Variants in ALS2CL observed in about 807,000 individuals in gnomAD.
ALS2CL encodes the protein ALS2 C-terminal-like protein.
In ALS2CL, 112 loss-of-function variants were observed where a neutral mutation model predicts 127.9. The observed-to-expected ratio is 0.88, with a 90% CI of 0.75 to 1.02. ALS2CL has a LOEUF of 1.02. ALS2CL is among the 50% of genes least tolerant of loss of function. The pLI is 0.00. For missense variants in ALS2CL, 1,174 were observed against 1,236.7 expected (o/e 0.95, Z 0.76); for synonymous variants, 519 against 527.6 (o/e 0.98, Z 0.22).
chr3:46,686,649 C>T lies in ALS2CL; in HGVS notation c.535-210G>A, dbSNP rs375676287. Among the ~76,000 whole-genome samples the T allele has an allele frequency of 7.2e-5, 11 of 152,226 alleles. No homozygotes were observed. In the East Asian group the frequency reaches 1.7e-3, roughly 24 times the overall value. Reference sequence around the variant, plus strand: ...GGCCCACGTGTCCTCATTCCCAGGACGTGATTCTACCCCTGCTCTCTGGGT... The same window carrying T: ...GGCCCACGTGTCCTCATTCCCAGGATGTGATTCTACCCCTGCTCTCTGGGT... On this transcript the variant is annotated intron_variant, in intron 5 of 25. Transcript: ENST00000318962. This position sits in a 1 kb window ranked among gnomAD's most constrained non-coding sequence, Gnocchi z 4.3.
At position 46,681,859 on chromosome 3, in the gene ALS2CL, G is replaced by A. The variant is rs919034972; in HGVS notation, c.1175+170C>T. Among the ~76,000 whole-genome samples, 1 of 152,064 alleles carries A rather than the reference G, an allele frequency of 6.6e-6. No homozygotes were observed. The highest frequency in any genetic ancestry group is 1.5e-5 in the Non-Finnish European group (1 of 68,006). ...GAGCTGAGACGGGCCCCCTATTCAG[G>A]CCCCCGGTTCCCCTTTGGTACAGTG... On this transcript the variant is annotated intron_variant, in intron 11 of 25. Transcript: ENST00000318962. The surrounding 1 kb of genome is among the most constrained non-coding windows in gnomAD (Gnocchi z 4.9).
rs1355745341 is a variant in ALS2CL, at chr3:46,678,283, G to A, written c.1733C>T (p.Pro578Leu). The A allele has an allele frequency of 1.9e-6, 3 of 1,604,598 alleles. No homozygotes were observed. The highest frequency in any genetic ancestry group is 4.5e-5 in the East Asian group (2 of 44,570). The change falls in exon 16 of 26, where the codon CCA becomes CTA. Residue 578 changes from proline (P) to leucine (L), a missense_variant. Physicochemically the swap from Pro to Leu is moderately conservative, Grantham distance 98. Transcript: ENST00000318962. ...QGVLDTAALP[P>L]DPSSTCKRQL... ...CCTCTTGCAGGTACTGCTCGGGTCT[G>A]GTGGGAGGGCAGCCGTGTCCAGCAC...
At chr3:46,683,006 T>C in intron 10 of ALS2CL, 124 bp downstream of exon 10, 1 of 1,047,564 alleles carries the variant, frequency 9.5e-7, no homozygotes, top group Non-Finnish European at 1.3e-6. Flanking sequence ...CTCTGAGAAT[T>C]GACTGTCCAC....
At position 46,689,475 on chromosome 3, in the gene ALS2CL, G is replaced by T; in HGVS notation, c.-25-10C>A. On this transcript the variant is annotated splice_polypyrimidine_tract_variant and intron_variant, in intron 1 of 25. Transcript: ENST00000318962. Reference sequence around the variant, plus strand: ...CCGGACTCAGGGCCTCCTAGGTAGGGCACAGGTTACAGCTAGATAGCACAG... The same window carrying T: ...CCGGACTCAGGGCCTCCTAGGTAGGTCACAGGTTACAGCTAGATAGCACAG... The T allele has an allele frequency of 6.4e-7, 1 of 1,551,664 alleles. No individual in the cohort carries two copies. The highest frequency in any genetic ancestry group is 8.7e-7 in the Non-Finnish European group (1 of 1,143,558).
In ALS2CL at chr3:46,671,056, G is replaced by A. The variant is rs374861021; in HGVS notation, c.2790C>T (p.Tyr930=). ...TCATGTCTTCTTTCTGGATGTGCTCGTAACAGGACTGGAGGGAGAGAGGCA... is the reference window on the plus strand; with the variant it reads ...TCATGTCTTCTTTCTGGATGTGCTCATAACAGGACTGGAGGGAGAGAGGCA... The part of the protein sequence containing the change: ...DFLLTALESC[Y]EHIQKEDMRL... The change falls in exon 26 of 26, where the codon TAC becomes TAT. Residue 930 remains tyrosine (Y), a synonymous_variant. Coordinates refer to ENST00000318962, the MANE Select transcript of ALS2CL (RefSeq NM_147129.5). The A allele has an allele frequency of 3.6e-5, 58 of 1,613,980 alleles. No individual in the cohort carries two copies. In the East Asian group the frequency reaches 4.7e-4, roughly 13 times the overall value.
rs777670526 is a variant in ALS2CL, at chr3:46,676,397, C to G, written c.2034G>C (p.Leu678=). 6.2e-6 allele frequency: 10 copies of G among 1,613,738 alleles called. No individual in the cohort carries two copies. The highest frequency in any genetic ancestry group is 2.2e-5 in the East Asian group (1 of 44,888). ...TTCCCAGGGGGTGCAGTGAGTTGCT[C>G]AGAGCCTGGGCCAGTGCATAGGCAA... The part of the protein sequence containing the change: ...KALQLYLRKA[L]SNSLHPLGKL... The change falls in exon 19 of 26, where the codon CTG becomes CTC. Residue 678 remains leucine (L), a synonymous_variant. Transcript: ENST00000318962.
intron 7 of ALS2CL, among the ~76,000 whole-genome samples, chr3:46,684,459 C>A (rs1479277184): frequency 6.6e-6 from 1 of 152,230 alleles, no homozygotes; most frequent in Non-Finnish European, 1.5e-5. Context: ...CTTGCCCCAA[C>A]CTCTCCTCAC....
intron 13 of ALS2CL, chr3:46,680,794 G>A: frequency 3.6e-6 from 2 of 554,960 alleles, no homozygotes; most frequent in East Asian, 3.1e-5. Context: ...GGGGGAATAG[G>A]AGTGTGTGCA....
At chr3:46,680,297 T>G in intron 14 of ALS2CL, 133 bp downstream of exon 14, 1 of 960,634 alleles carries the variant, frequency 1.0e-6, no homozygotes, top group Admixed American at 2.2e-5. Flanking sequence ...CCTGCCCAGG[T>G]TCTGGCTCCC....
At chr3:46,689,301 G>T in intron 2 of ALS2CL, 37 bp downstream of exon 2, 1 of 1,599,760 alleles carries the variant, frequency 6.3e-7, no homozygotes, top group Non-Finnish European at 8.5e-7. Context: ...ATCATTCCTC[G>T]GTGCCCTTCC....
At chr3:46,674,848 C>T in intron 20 of ALS2CL, 109 bp from the exon 21 acceptor site, 1 of 1,061,526 alleles carries the variant, frequency 9.4e-7, no homozygotes, top group Non-Finnish European at 1.3e-6. Flanking sequence ...GTGTCCTGGC[C>T]TCCAGCCTCC....
In ALS2CL at chr3:46,687,634, G is replaced by A. The variant is rs1575447697; in HGVS notation, c.353C>T (p.Ala118Val). 1.2e-6 allele frequency: 2 copies of A among 1,613,262 alleles called. No individual in the cohort carries two copies. Among genetic ancestry groups the A allele is most frequent in the African/African-American group, 1.3e-5 (1 of 75,014 alleles). The change falls in exon 4 of 26, where the codon GCA becomes GTA. Residue 118 changes from alanine (A) to valine (V), a missense_variant. Coordinates refer to ENST00000318962, the MANE Select transcript of ALS2CL (RefSeq NM_147129.5). ...SCMVVQAFQK[A>V]AKRRSEYWRG... is the part of the protein sequence containing the mutation. ...CTGTGCTCACCTTCTCCTCTTTGCTGCCTTCTGGAAGGCCTGCACCACCAT... is the reference window on the plus strand; with the variant it reads ...CTGTGCTCACCTTCTCCTCTTTGCTACCTTCTGGAAGGCCTGCACCACCAT...
chr3:46,687,822 C>T lies in ALS2CL; in HGVS notation c.303-138G>A, dbSNP rs72892151. The T allele has an allele frequency of 2.0e-3, 1,805 of 906,614 alleles. 21 individuals carry two copies. In the African/African-American group the frequency reaches 0.027, roughly 13 times the overall value. The allele number at this position is 906,614 out of a possible 1,614,324, so 56.2% of individuals were successfully genotyped here. On this transcript the variant is annotated intron_variant, in intron 3 of 25. Transcript: ENST00000318962. ...CCACACAGTGGCCTGGCTCTGGGCA[C>T]TGGAGACCTCAACTCCTGGGCCAAC...
rs1042231878 is a variant in ALS2CL at position 46,681,085 on chromosome 3, T to C, written c.1436+161A>G. On this transcript the variant is annotated intron_variant, in intron 13 of 25. Transcript: ENST00000318962. This position sits in a 1 kb window ranked among gnomAD's most constrained non-coding sequence, Gnocchi z 4.9. ...TGCAGTCAGCGTGACCAAGATTCGC[T>C]CAGCCTGAGCCTCCGCAGCAACCGA... is the stretch of plus-strand genomic sequence containing the variant. 1 of 1,202,304 alleles carries C rather than the reference T, an allele frequency of 8.3e-7. No individual in the cohort carries two copies. Among genetic ancestry groups the C allele is most frequent in the African/African-American group, 1.5e-5 (1 of 66,892 alleles). 74.5% of individuals were successfully genotyped at this position (1,202,304 alleles called of 1,614,324 possible).
chr3:46,670,874 T>A lies in ALS2CL; in HGVS notation c.*110A>T. On this transcript the variant is annotated 3_prime_UTR_variant, in exon 26 of 26. Coordinates refer to ENST00000318962, the MANE Select transcript of ALS2CL (RefSeq NM_147129.5). The surrounding 1 kb of genome is among the most constrained non-coding windows in gnomAD (Gnocchi z 5.5). ...CTTCCTGTGCAAAACAAAATGCTCA[T>A]CTCCTCCAAGAGCTGCTTCTGAGGG... 8.7e-7 allele frequency: 1 copy of A among 1,148,178 alleles called. No homozygotes were observed. Among genetic ancestry groups the A allele is most frequent in the South Asian group, 1.3e-5 (1 of 77,844 alleles). 71.1% of individuals were successfully genotyped at this position (1,148,178 alleles called of 1,614,324 possible).
At chr3:46,693,270 T>G (rs1459330226) in intron 1 of ALS2CL, among the ~76,000 whole-genome samples, 1 of 152,266 alleles carries the variant, frequency 6.6e-6, no homozygotes, top group African/African-American at 2.4e-5. Context: ...GCCAGGCATT[T>G]GCCATGCCGC....
chr3:46,674,189 G>T (rs1387963603), intron 21 of ALS2CL, among the ~76,000 whole-genome samples: 1 of 152,220 alleles, frequency 6.6e-6, no homozygotes, highest in Non-Finnish European at 1.5e-5. Flanking sequence ...ATCACGGCTG[G>T]CACTCAGGGG....
At chr3:46,676,526 A>C (rs1241474074) in intron 18 of ALS2CL, 116 bp downstream of exon 18, 4 of 1,539,624 alleles carry the variant, frequency 2.6e-6, no homozygotes, top group Middle Eastern at 3.6e-4. Context: ...CTCTGAGGAC[A>C]AGGGATCCAC....
chr3:46,681,613 G>T lies in ALS2CL; in HGVS notation c.1176-15C>A, dbSNP rs753626501. 13 of 1,613,544 alleles carry T rather than the reference G, an allele frequency of 8.1e-6. No homozygotes were observed. In the Admixed American group the frequency reaches 8.3e-5, roughly 10 times the overall value. On this transcript the variant is annotated splice_polypyrimidine_tract_variant and intron_variant, in intron 11 of 25. Transcript: ENST00000318962. This position sits in a 1 kb window ranked among gnomAD's most constrained non-coding sequence, Gnocchi z 4.9. Reference sequence around the variant, plus strand: ...GGATGCCGAAGCTGACAGCATGGTTGTGGGGGTGGGGATCAGCCCTGACCT... The same window carrying T: ...GGATGCCGAAGCTGACAGCATGGTTTTGGGGGTGGGGATCAGCCCTGACCT...
Sources: allele counts gnomAD v4.1 joint callset (sites outside exome capture counted in the v4.1 genomes callset), GRCh38; gene constraint gnomAD v4.1.1; non-coding constraint Gnocchi (gnomAD v3.1); transcripts MANE v1.5; gene names NCBI Gene and HGNC (gene_info 2026-07-23, HGNC 2026-07-21).